Variants in GRK5 observed in about 807,000 individuals in gnomAD.
GRK5 encodes G protein-coupled receptor kinase 5, also known as g protein-coupled receptor kinase GRK5.
Under a neutral mutation model 78.4 loss-of-function variants are expected in GRK5, and 40 were observed. The observed-to-expected ratio is 0.51, with a 90% confidence interval of 0.40 to 0.66. GRK5 has a LOEUF of 0.66. Ranked by LOEUF, GRK5 falls within the 30% of genes least tolerant of loss-of-function variation. GRK5 has a pLI of 0.00. For synonymous variants in GRK5, 289 were observed against 296.8 expected, an observed-to-expected ratio of 0.97 and a Z score of 0.27; for missense variants, 598 against 759.9, an observed-to-expected ratio of 0.79 and a Z score of 2.50.
rs996056390 is a variant in GRK5, at chr10:119,217,542, C to T, written c.52+9573C>T. On this transcript the variant is annotated intron_variant, in intron 1 of 15. Coordinates refer to ENST00000392870, the MANE Select transcript of GRK5 (RefSeq NM_005308.3). The surrounding 1 kb of genome is among the most constrained non-coding windows in gnomAD (Gnocchi z 4.1). ...AACACATCGGACAAGCGAGGCCAGC[C>T]TCTTGCGTTATTTTTCCCCTCAGCA... Among the ~76,000 whole-genome samples the T allele has an allele frequency of 2.6e-5, 4 of 152,242 alleles. No individual in the cohort carries two copies. The highest frequency in any genetic ancestry group is 4.4e-5 in the Non-Finnish European group (3 of 68,046).
intron 1 of GRK5, among the ~76,000 whole-genome samples, chr10:119,263,649 C>T (rs1044186266): frequency 5.9e-5 from 9 of 152,174 alleles, no homozygotes; most frequent in Admixed American, 3.9e-4. Context: ...TGAGGCCAGG[C>T]GCAGTGGCTC....
intron 1 of GRK5, among the ~76,000 whole-genome samples, chr10:119,294,125 G>C (rs115536765): frequency 0.014 from 2,112 of 152,262 alleles, 48 homozygotes; most frequent in African/African-American, 0.048. Flanking sequence ...CTGCAGGGAG[G>C]AAAGCGTACC....
intron 10 of GRK5, among the ~76,000 whole-genome samples, chr10:119,440,806 C>T (rs1231804762): frequency 6.6e-6 from 1 of 152,202 alleles, no homozygotes; most frequent in Non-Finnish European, 1.5e-5. Context: ...CCTCCTTGGC[C>T]TCCCTATGTG....
In GRK5 at chr10:119,402,727, A is replaced by C. The variant is rs182490094; in HGVS notation, c.339+5955A>C. 2.0e-5 allele frequency among the ~76,000 whole-genome samples: 3 copies of C among 152,132 alleles called. No homozygotes were observed. In the East Asian group the frequency reaches 5.8e-4, roughly 29 times the overall value. Reference sequence around the variant, plus strand: ...AAATCAGCTGGGCATGGTGGCCCACACCTGTAATCCCAGCTACTCCAGAGG... The same window carrying C: ...AAATCAGCTGGGCATGGTGGCCCACCCCTGTAATCCCAGCTACTCCAGAGG... On this transcript the variant is annotated intron_variant, in intron 4 of 15. Coordinates refer to ENST00000392870, the MANE Select transcript of GRK5 (RefSeq NM_005308.3).
intron 2 of GRK5, among the ~76,000 whole-genome samples, chr10:119,358,614 C>T (rs950621056): frequency 3.3e-5 from 5 of 152,188 alleles, no homozygotes; most frequent in African/African-American, 1.2e-4. Flanking sequence ...GCAGAGTCAG[C>T]AGCCCCATTT....
Position 119,296,086 on chromosome 10 carries a change from C to T in GRK5, c.53-30430C>T, listed in dbSNP as rs184717042. On this transcript the variant is annotated intron_variant, in intron 1 of 15. Coordinates refer to ENST00000392870, the MANE Select transcript of GRK5 (RefSeq NM_005308.3). ...AGTCTGGAGCTAGGTGGCCCCAGGA[C>T]GAGCTTGGCAGCTCAGCAGTGCCAT... Among the ~76,000 whole-genome samples, 243 of 152,312 alleles carry T rather than the reference C, an allele frequency of 1.6e-3. 1 individual carries two copies. The highest frequency in any genetic ancestry group is 3.4e-3 in the Middle Eastern group (1 of 294).
chr10:119,304,629 C>T (rs1850242423), intron 1 of GRK5, among the ~76,000 whole-genome samples: 1 of 152,200 alleles, frequency 6.6e-6, no homozygotes, highest in Non-Finnish European at 1.5e-5. Context: ...AGCAGCTGAG[C>T]TCACCCACAG....
At chr10:119,404,459 G>A (rs10886476) in intron 4 of GRK5, among the ~76,000 whole-genome samples, 73,821 of 152,006 alleles carry the variant, frequency 0.49, 19,744 homozygotes, top group Middle Eastern at 0.66. Context: ...CCATTCTGTG[G>A]GTTGTCTTTT....
chr10:119,452,676 C>T lies in GRK5; in HGVS notation c.1410C>T (p.Arg470=), dbSNP rs1427450914. ...MLDPPFVPDP[R]AVYCKDVLDI... Reference sequence around the variant, plus strand: ...CGGCCCTCTGCCCCTGGCAGCCCCGCGCTGTGTACTGTAAGGACGTGCTGG... The same window carrying T: ...CGGCCCTCTGCCCCTGGCAGCCCCGTGCTGTGTACTGTAAGGACGTGCTGG... Residue 470 remains arginine (R), a synonymous_variant, in exon 14 of 16, where the codon CGC becomes CGT. Transcript: ENST00000392870. The surrounding 1 kb of genome is among the most constrained non-coding windows in gnomAD (Gnocchi z 4.4). 19 of 1,613,920 alleles carry T rather than the reference C, an allele frequency of 1.2e-5. No individual in the cohort carries two copies. Among genetic ancestry groups the T allele is most frequent in the South Asian group, 2.2e-5 (2 of 91,090 alleles).
chr10:119,264,766 G>A lies in GRK5; in HGVS notation c.52+56797G>A, dbSNP rs553520485. 6.6e-6 allele frequency among the ~76,000 whole-genome samples: 1 copy of A among 152,328 alleles called. No individual in the cohort carries two copies. The highest frequency in any genetic ancestry group is 2.4e-5 in the African/African-American group (1 of 41,582). On this transcript the variant is annotated intron_variant, in intron 1 of 15. Transcript: ENST00000392870. The surrounding 1 kb of genome is among the most constrained non-coding windows in gnomAD (Gnocchi z 4.1). The stretch of plus-strand genomic sequence containing the variant: ...TCTTCAGCAGTGGGAGGGACCCTGG[G>A]TGGACTAAAACCACACTTACCCACT...
intron 1 of GRK5, among the ~76,000 whole-genome samples, chr10:119,295,366 G>A (rs1850062320): frequency 6.6e-6 from 1 of 152,134 alleles, no homozygotes; most frequent in Non-Finnish European, 1.5e-5. Flanking sequence ...GGCATTGCTG[G>A]TGGGAATGTA....
intron 4 of GRK5, among the ~76,000 whole-genome samples, chr10:119,403,656 G>A (rs1010220965): frequency 6.6e-5 from 10 of 151,786 alleles, no homozygotes; most frequent in Non-Finnish European, 1.3e-4. Context: ...TTGTTGAGAT[G>A]GAGTTTCGCT....
At chr10:119,312,984 A>ATGG (rs1315830188) in intron 1 of GRK5, among the ~76,000 whole-genome samples, 1 of 149,734 alleles carries the variant, frequency 6.7e-6, no homozygotes, top group African/African-American at 2.5e-5. Flanking sequence ...GGTGATGCTG[A>ATGG]TGGTGGTGGT....
At chr10:119,211,330 CTATT>C (rs781109118) in intron 1 of GRK5, among the ~76,000 whole-genome samples, 27 of 152,212 alleles carry the variant, frequency 1.8e-4, no homozygotes, top group Non-Finnish European at 3.2e-4. Context: ...CTAACTCTAT[CTATT>C]TATTTACATT....
At chr10:119,220,761 G>A (rs1311301065) in intron 1 of GRK5, among the ~76,000 whole-genome samples, 1 of 152,052 alleles carries the variant, frequency 6.6e-6, no homozygotes, top group Non-Finnish European at 1.5e-5. Flanking sequence ...CTTGAACCCG[G>A]GAGGCGGAGG....
At chr10:119,400,622 G>C (rs1852134337) in intron 4 of GRK5, among the ~76,000 whole-genome samples, 1 of 152,170 alleles carries the variant, frequency 6.6e-6, no homozygotes, top group Non-Finnish European at 1.5e-5. Flanking sequence ...GGGTGGGAAT[G>C]GGGAGGGGGC....
chr10:119,390,926 G>A (rs1020483688), intron 3 of GRK5, among the ~76,000 whole-genome samples: 2 of 152,072 alleles, frequency 1.3e-5, no homozygotes, highest in Non-Finnish European at 2.9e-5. Context: ...TGAGATGGGC[G>A]AGCCTGTCCC....
chr10:119,216,298 C>T (rs1338110188), intron 1 of GRK5, among the ~76,000 whole-genome samples: 1 of 152,082 alleles, frequency 6.6e-6, no homozygotes, highest in East Asian at 1.9e-4. Context: ...TGAAATGAAC[C>T]CCAAGGACAG....
intron 11 of GRK5, 125 bp downstream of exon 11, chr10:119,442,213 T>C (rs913998358): frequency 5.1e-5 from 40 of 788,410 alleles, no homozygotes; most frequent in Admixed American, 1.0e-4. Context: ...ACACACAGAG[T>C]CACAGTCTCT....
Sources: gnomAD v4.1 joint callset for allele counts (sites outside exome capture counted in the v4.1 genomes callset) on GRCh38, gnomAD v4.1.1 for gene constraint, Gnocchi (gnomAD v3.1) non-coding constraint, MANE v1.5 for transcripts, NCBI Gene and HGNC (gene_info 2026-07-23, HGNC 2026-07-21) for gene names.